RAP1GAP2: variants seen among roughly 807,000 people sequenced by gnomAD.
The protein encoded by RAP1GAP2 is rap1 GTPase-activating protein 2.
A neutral mutation model predicts 95.0 loss-of-function variants in RAP1GAP2; 27 were observed. The observed-to-expected ratio is 0.28, with a 90% CI of 0.21 to 0.39. RAP1GAP2 has a LOEUF of 0.39. Ranked by LOEUF, RAP1GAP2 falls within the 10% of genes least tolerant of loss-of-function variation. The pLI, the probability that RAP1GAP2 is intolerant of heterozygous loss-of-function variation, is 1.00. For missense variants in RAP1GAP2, 771 were observed against 970.0 expected (o/e 0.79, Z 2.72); for synonymous variants, 373 against 380.9 (o/e 0.98, Z 0.24).
At chr17:2,940,112 C>T (rs1452528182) in intron 3 of RAP1GAP2, among the ~76,000 whole-genome samples, 6 of 152,148 alleles carry the variant, frequency 3.9e-5, no homozygotes, top group Non-Finnish European at 7.4e-5. Context: ...GGATGCCCGT[C>T]CAGGCCCTGC....
At chr17:2,938,240 C>T (rs2151425187) in intron 3 of RAP1GAP2, among the ~76,000 whole-genome samples, 1 of 152,266 alleles carries the variant, frequency 6.6e-6, no homozygotes, top group African/African-American at 2.4e-5. Flanking sequence ...GCTGAGTGAC[C>T]AACCCATGCA....
At chr17:2,789,607 T>TAAA (rs546111176) in intron 1 of RAP1GAP2, among the ~76,000 whole-genome samples, 24 of 74,790 alleles carry the variant, frequency 3.2e-4, no homozygotes, top group Admixed American at 5.0e-4. Flanking sequence ...CAGTCTCTAC[T>TAAA]AAAAAAAAAA....
In RAP1GAP2 at chr17:3,027,321, G is replaced by T. The variant is rs115934937; in HGVS notation, c.2107+251G>T. ...AAGGCCTTGTGGGAGATCCCACAGCGGAGGAGTCGGGATTGGCAGTGGGAA... is the reference window on the plus strand; with the variant it reads ...AAGGCCTTGTGGGAGATCCCACAGCTGAGGAGTCGGGATTGGCAGTGGGAA... On this transcript the variant is annotated intron_variant, in intron 22 of 24. Transcript: ENST00000254695. The surrounding 1 kb of genome is among the most constrained non-coding windows in gnomAD (Gnocchi z 5.2). Among the ~76,000 whole-genome samples, 5 of 152,216 alleles carry T rather than the reference G, an allele frequency of 3.3e-5. No individual in the cohort carries two copies. The highest frequency in any genetic ancestry group is 1.2e-4 in the African/African-American group (5 of 41,446).
At chr17:3,010,574 A>G (rs2046496663) in intron 17 of RAP1GAP2, among the ~76,000 whole-genome samples, 1 of 152,158 alleles carries the variant, frequency 6.6e-6, no homozygotes, top group South Asian at 2.1e-4. Context: ...AGCTAAATAC[A>G]GGTGGCAGGT....
chr17:3,026,494 G>T (rs1304097713), intron 21 of RAP1GAP2, 30 bp downstream of exon 21: 2 of 1,485,312 alleles, frequency 1.3e-6, no homozygotes, highest in Non-Finnish European at 1.8e-6. Flanking sequence ...CCTTGGGCAG[G>T]CACTCTGGGG....
rs1336936089 is a variant in RAP1GAP2, at chr17:3,036,784, A to G, written c.*3423A>G. ...ATTCTTAAACGAAGGTGGTTAATAG[A>G]AACTCAGGCTCCCGTGACAAGGCAG... On this transcript the variant is annotated 3_prime_UTR_variant, in exon 25 of 25. Transcript: ENST00000254695. 6.6e-6 allele frequency: 1 copy of G among 152,638 alleles called. No homozygotes were observed. Among genetic ancestry groups the G allele is most frequent in the African/African-American group, 2.4e-5 (1 of 41,456 alleles). 9.5% of individuals were successfully genotyped at this position (152,638 alleles called of 1,614,324 possible).
chr17:2,812,079 C>T (rs8073448), intron 2 of RAP1GAP2, among the ~76,000 whole-genome samples: 64,597 of 151,876 alleles, frequency 0.43, 14,168 homozygotes, highest in Non-Finnish European at 0.49. Flanking sequence ...CAGAGCTGGC[C>T]GCAGCCTACC....
chr17:2,965,480 G>T lies in RAP1GAP2; in HGVS notation c.493-60G>T. The T allele has an allele frequency of 1.5e-6, 2 of 1,324,800 alleles. No homozygotes were observed. Among genetic ancestry groups the T allele is most frequent in the South Asian group, 2.5e-5 (2 of 79,086 alleles). The allele number at this position is 1,324,800 out of a possible 1,614,324, so 82.1% of individuals were successfully genotyped here. On this transcript the variant is annotated intron_variant, in intron 7 of 24. Coordinates refer to ENST00000254695, the MANE Select transcript of RAP1GAP2 (RefSeq NM_015085.5). The surrounding 1 kb of genome is among the most constrained non-coding windows in gnomAD (Gnocchi z 4.7). ...TCTCCTGGTGAAGGAGGTGGTTTAG[G>T]GGGAACATACCTGGAAGGTTTCTTC...
intron 3 of RAP1GAP2, among the ~76,000 whole-genome samples, chr17:2,937,601 T>A (rs1180949051): frequency 1.3e-5 from 2 of 152,134 alleles, no homozygotes; most frequent in East Asian, 3.9e-4. Flanking sequence ...GGTCCCTTTT[T>A]CCAGGGGAAG....
intron 3 of RAP1GAP2, among the ~76,000 whole-genome samples, chr17:2,921,882 CAT>C (rs2042794320): frequency 6.6e-6 from 1 of 152,230 alleles, no homozygotes; most frequent in Non-Finnish European, 1.5e-5. Context: ...GTCTTCTTCA[CAT>C]GTCTCCCTCC....
chr17:2,977,140 AAAAAAG>A (rs1328501968), intron 8 of RAP1GAP2, among the ~76,000 whole-genome samples: 1 of 150,060 alleles, frequency 6.7e-6, no homozygotes, highest in Non-Finnish European at 1.5e-5. Context: ...AAAAAAAAGA[AAAAAAG>A]AAAAGAAAAG....
intron 2 of RAP1GAP2, among the ~76,000 whole-genome samples, chr17:2,838,869 A>G (rs988326826): frequency 6.6e-6 from 1 of 152,118 alleles, no homozygotes; most frequent in Admixed American, 6.6e-5. Context: ...ACATTTGCTA[A>G]CCTTCCTTAT....
chr17:2,911,712 G>GGT (rs763105935), intron 3 of RAP1GAP2, among the ~76,000 whole-genome samples: 1 of 138,328 alleles, frequency 7.2e-6, no homozygotes, highest in African/African-American at 2.7e-5. Context: ...GGCGGGGTGG[G>GGT]GCAGCCGGAA....
rs35774169 is a variant in RAP1GAP2, at chr17:3,032,015, T to C, written c.2185-396T>C. On this transcript the variant is annotated intron_variant, in intron 23 of 24. Transcript: ENST00000254695. ...CTGAGCTCTCCAGACTATCGAGAGCTCCAGGCCCAGTTGTGAGGTGGGAAG... is the reference window on the plus strand; with the variant it reads ...CTGAGCTCTCCAGACTATCGAGAGCCCCAGGCCCAGTTGTGAGGTGGGAAG... 3.6e-3 allele frequency among the ~76,000 whole-genome samples: 487 copies of C among 136,964 alleles called. 2 individuals carry two copies. Among genetic ancestry groups the C allele is most frequent in the Non-Finnish European group, 5.4e-3 (317 of 58,772 alleles). 89.9% of individuals were successfully genotyped at this position (136,964 alleles called of 152,430 possible). A position where few individuals can be genotyped will look rare whatever the true frequency, so the allele number is the denominator to read the frequency against.
At chr17:2,811,702 C>T (rs541863578) in intron 2 of RAP1GAP2, among the ~76,000 whole-genome samples, 5 of 152,234 alleles carry the variant, frequency 3.3e-5, no homozygotes, top group Non-Finnish European at 7.4e-5. Flanking sequence ...CTCAGTCTCC[C>T]GAGTAGCTGG....
At chr17:2,804,433 G>C (rs2069428312) in intron 2 of RAP1GAP2, among the ~76,000 whole-genome samples, 1 of 152,234 alleles carries the variant, frequency 6.6e-6, no homozygotes. Flanking sequence ...GGTCTTCAGG[G>C]AGGAAGTCAC....
At chr17:2,889,074 T>G (rs2073600705) in intron 2 of RAP1GAP2, among the ~76,000 whole-genome samples, 1 of 152,192 alleles carries the variant, frequency 6.6e-6, no homozygotes, top group African/African-American at 2.4e-5. Context: ...ACAGGCTGAC[T>G]GCCTTTCCCT....
intron 1 of RAP1GAP2, among the ~76,000 whole-genome samples, chr17:2,786,590 C>A (rs1297958366): frequency 6.6e-6 from 1 of 152,062 alleles, no homozygotes; most frequent in Non-Finnish European, 1.5e-5. Context: ...TGAGAAGCTC[C>A]TTCAGACAGC....
At chr17:2,915,588 G>T (rs1196168892) in intron 3 of RAP1GAP2, among the ~76,000 whole-genome samples, 2 of 152,198 alleles carry the variant, frequency 1.3e-5, no homozygotes, top group Admixed American at 1.3e-4. Flanking sequence ...TTTTGAAGAA[G>T]TCTAATTATG....
Sources: gnomAD v4.1 joint callset for allele counts (sites outside exome capture counted in the v4.1 genomes callset) on GRCh38, gnomAD v4.1.1 for gene constraint, Gnocchi (gnomAD v3.1) non-coding constraint, MANE v1.5 for transcripts, NCBI Gene and HGNC (gene_info 2026-07-23, HGNC 2026-07-21) for gene names.